FMNL3: variants seen among roughly 807,000 people sequenced by gnomAD.
The protein encoded by FMNL3 is formin-like protein 3.
A neutral mutation model predicts 119.6 loss-of-function variants in FMNL3; 57 were observed. The observed-to-expected ratio is 0.48, with a 90% CI of 0.39 to 0.59. The LOEUF (loss-of-function observed/expected upper bound fraction) is 0.59. FMNL3 is among the 20% of genes least tolerant of loss of function. The pLI is 0.00. For synonymous variants in FMNL3, 491 were observed against 507.3 expected, an observed-to-expected ratio of 0.97 and a Z score of 0.43; for missense variants, 1,053 against 1,323.5, an observed-to-expected ratio of 0.80 and a Z score of 3.17.
At chr12:49,698,535 A>C (rs1429958522) in intron 1 of FMNL3, among the ~76,000 whole-genome samples, 2 of 151,726 alleles carry the variant, frequency 1.3e-5, no homozygotes, top group East Asian at 1.9e-4. Context: ...AAAAAAAAAA[A>C]ACACCCTATC....
At position 49,649,715 on chromosome 12, in the gene FMNL3, C is replaced by T. The variant is rs1467816614; in HGVS notation, c.2211G>A (p.Gln737=). Residue 737 remains glutamine, a synonymous_variant, in exon 18 of 26, where the codon CAG becomes CAA. Coordinates refer to ENST00000335154, the MANE Select transcript of FMNL3 (RefSeq NM_175736.5). This position sits in a 1 kb window ranked among gnomAD's most constrained non-coding sequence, Gnocchi z 5.6. The part of the protein sequence containing the change: ...MAGMAFLGNF[Q]DNLQMLTPQL... ...CCGGTGTGAGCATCTGCAGGTTATCCTGGAAGTTCCCCAGGAAGGCCATGC... is the reference window on the plus strand; with the variant it reads ...CCGGTGTGAGCATCTGCAGGTTATCTTGGAAGTTCCCCAGGAAGGCCATGC... 14 of 1,614,130 alleles carry T rather than the reference C, an allele frequency of 8.7e-6. No individual in the cohort carries two copies. The highest frequency in any genetic ancestry group is 1.3e-5 in the African/African-American group (1 of 75,024).
At position 49,642,040 on chromosome 12, in the gene FMNL3, G is replaced by A; in HGVS notation, c.*3775C>T. 1 of 1,610,100 alleles carries A rather than the reference G, an allele frequency of 6.2e-7. No individual in the cohort carries two copies. Among genetic ancestry groups the A allele is most frequent in the South Asian group, 1.1e-5 (1 of 91,048 alleles). On this transcript the variant is annotated 3_prime_UTR_variant, in exon 26 of 26. Transcript: ENST00000335154. The surrounding 1 kb of genome is among the most constrained non-coding windows in gnomAD (Gnocchi z 5.8). ...CTTCAATAGTGTGAGGGGCTGGGCG[G>A]GGCGTGGGAAGTTCTCTAATTCATC... is the stretch of plus-strand genomic sequence containing the variant.
intron 8 of FMNL3, 69 bp from the exon 9 acceptor site, chr12:49,656,566 G>A (rs1246534885): frequency 7.2e-7 from 1 of 1,392,338 alleles, no homozygotes; most frequent in Non-Finnish European, 1.0e-6. Flanking sequence ...TCATTTCCCT[G>A]ACTGGGTAAG....
chr12:49,657,275 G>T, intron 6 of FMNL3, 85 bp from the exon 7 acceptor site: 1 of 1,099,586 alleles, frequency 9.1e-7, no homozygotes, highest in Non-Finnish European at 1.4e-6. Flanking sequence ...CGGACAGCAG[G>T]CTGCCCCTTA....
chr12:49,657,577 G>A (rs183363577), intron 6 of FMNL3, among the ~76,000 whole-genome samples: 24 of 152,258 alleles, frequency 1.6e-4, no homozygotes, highest in South Asian at 4.1e-4. Flanking sequence ...GGACAAGAGC[G>A]TCATGGCTCC....
intron 2 of FMNL3, among the ~76,000 whole-genome samples, chr12:49,667,032 A>T (rs898084124): frequency 6.6e-6 from 1 of 152,068 alleles, no homozygotes; most frequent in African/African-American, 2.4e-5. Context: ...TCAAATACTG[A>T]AGGCTGCATT....
In FMNL3 at chr12:49,648,207, C is replaced by T. The variant is rs766461969; in HGVS notation, c.2662G>A (p.Ala888Thr). The T allele has an allele frequency of 1.9e-5, 31 of 1,612,752 alleles. No individual in the cohort carries two copies. The Middle Eastern group carries it at 5.0e-4, about 26-fold the overall frequency. The stretch of plus-strand genomic sequence containing the variant: ...CCCGTGCTTGCCTCAGCCGTCTTGG[C>T]GTCCCGCTGGAGCTTGTCTAGTTTG... Reference protein sequence around the residue: ...EGKLDKLQRDAKTAEEAYNAV... With the variant: ...EGKLDKLQRDTKTAEEAYNAV... Residue 888 changes from alanine to threonine, a missense_variant, in exon 22 of 26, where the codon GCC becomes ACC. Around this residue, in one of 4 missense-constraint regions of FMNL3, gnomAD observed 324 missense variants for 380.9 expected, o/e 0.85. Transcript: ENST00000335154.
intron 2 of FMNL3, 113 bp from the exon 3 acceptor site, chr12:49,666,320 A>G (rs1225143485): frequency 4.5e-6 from 4 of 895,714 alleles, no homozygotes; most frequent in Non-Finnish European, 5.1e-6. Context: ...CAGCCTCTCC[A>G]AGTTGTCACC....
chr12:49,675,693 A>G (rs1379913667), intron 1 of FMNL3, among the ~76,000 whole-genome samples: 9 of 152,144 alleles, frequency 5.9e-5, no homozygotes, highest in African/African-American at 2.2e-4. Flanking sequence ...CCTACTTCCA[A>G]TACTTTCCTC....
intron 1 of FMNL3, among the ~76,000 whole-genome samples, chr12:49,684,118 G>C (rs1944401099): frequency 6.6e-6 from 1 of 152,132 alleles, no homozygotes; most frequent in African/African-American, 2.4e-5. Flanking sequence ...CTGAACTCCT[G>C]GGGGCAGGAT....
chr12:49,641,782 C>A lies in FMNL3; in HGVS notation c.*4033G>T. ...TGGATAACTTGGTTTCTAATGCAGA[C>A]CACAGTCCTGTGGATCTCTTCCAGA... On this transcript the variant is annotated 3_prime_UTR_variant, in exon 26 of 26. Transcript: ENST00000335154. 2 of 739,064 alleles carry A rather than the reference C, an allele frequency of 2.7e-6. No individual in the cohort carries two copies. Among genetic ancestry groups the A allele is most frequent in the East Asian group, 2.6e-5 (1 of 39,068 alleles). The allele number at this position is 739,064 out of a possible 1,614,324, so 45.8% of individuals were successfully genotyped here. A position where few individuals can be genotyped will look rare whatever the true frequency, so the allele number is the denominator to read the frequency against.
At chr12:49,686,115 G>A (rs181501232) in intron 1 of FMNL3, among the ~76,000 whole-genome samples, 13 of 151,870 alleles carry the variant, frequency 8.6e-5, no homozygotes, top group African/African-American at 2.9e-4. Context: ...GTTTTTGGAA[G>A]GGGAGGGTTT....
chr12:49,666,710 TC>T (rs1377904681), intron 2 of FMNL3, among the ~76,000 whole-genome samples: 1 of 151,862 alleles, frequency 6.6e-6, no homozygotes, highest in East Asian at 1.9e-4. Flanking sequence ...GGTGGGAGGA[TC>T]CCTTGAGCCC....
chr12:49,693,201 A>G (rs1944652578), intron 1 of FMNL3, among the ~76,000 whole-genome samples: 1 of 152,128 alleles, frequency 6.6e-6, no homozygotes, highest in Non-Finnish European at 1.5e-5. Context: ...TTTGTGGAGA[A>G]TGGGTGGGAA....
intron 1 of FMNL3, among the ~76,000 whole-genome samples, chr12:49,671,429 T>C (rs1944043705): frequency 6.6e-6 from 1 of 152,262 alleles, no homozygotes; most frequent in African/African-American, 2.4e-5. Flanking sequence ...CTGCTTCTTC[T>C]GGGCTGAAGT....
chr12:49,651,585 C>T (rs1350443518), intron 14 of FMNL3, 135 bp from the exon 15 acceptor site: 1 of 810,488 alleles, frequency 1.2e-6, no homozygotes, highest in Admixed American at 3.6e-5. Context: ...TACATGAACT[C>T]TGCTCAAGCT....
chr12:49,680,376 A>T (rs1305931199), intron 1 of FMNL3, among the ~76,000 whole-genome samples: 1 of 152,226 alleles, frequency 6.6e-6, no homozygotes, highest in African/African-American at 2.4e-5. Context: ...TCAGCTAGGG[A>T]GAGGCTCTAC....
intron 1 of FMNL3, among the ~76,000 whole-genome samples, chr12:49,681,251 A>G (rs1944325585): frequency 6.6e-6 from 1 of 152,236 alleles, no homozygotes; most frequent in African/African-American, 2.4e-5. Context: ...CCCAGGCTGG[A>G]GCGCAGTGGC....
chr12:49,640,226 T>C lies in FMNL3; in HGVS notation c.*5589A>G, dbSNP rs1055957496. The C allele has an allele frequency of 6.6e-6, 1 of 152,198 alleles. No individual in the cohort carries two copies. The highest frequency in any genetic ancestry group is 1.5e-5 in the Non-Finnish European group (1 of 68,050). The allele number at this position is 152,198 out of a possible 1,614,324, so 9.4% of individuals were successfully genotyped here. A position where few individuals can be genotyped will look rare whatever the true frequency, so the allele number is the denominator to read the frequency against. On this transcript the variant is annotated 3_prime_UTR_variant, in exon 26 of 26. Transcript: ENST00000335154. ...GACAGATCCGGGTCAGGGAGATCCA[T>C]GGAGGATGCTCATGAGAAATATATT...
Sources: gnomAD v4.1 joint callset for allele counts (sites outside exome capture counted in the v4.1 genomes callset) on GRCh38, gnomAD v4.1.1 for gene constraint, gnomAD v4.1.1 regional missense constraint, Gnocchi (gnomAD v3.1) non-coding constraint, MANE v1.5 for transcripts, NCBI Gene and HGNC (gene_info 2026-07-23, HGNC 2026-07-21) for gene names.